Variants in GALNTL6 observed in about 807,000 individuals in gnomAD.
GALNTL6 encodes polypeptide N-acetylgalactosaminyltransferase-like 6.
Under a neutral mutation model 73.7 loss-of-function variants are expected in GALNTL6, and 46 were observed. That is an observed-to-expected ratio of 0.62 (90% CI 0.49 to 0.80). The LOEUF (loss-of-function observed/expected upper bound fraction) is 0.80. Ranked by LOEUF, GALNTL6 falls within the 30% of genes least tolerant of loss-of-function variation. The pLI is 0.00. For missense variants in GALNTL6, 604 were observed against 755.0 expected (o/e 0.80, Z 2.34); for synonymous variants, 259 against 263.7 (o/e 0.98, Z 0.17).
chr4:172,515,465 A>G (rs1053501253), intron 5 of GALNTL6, among the ~76,000 whole-genome samples: 4 of 152,210 alleles, frequency 2.6e-5, no homozygotes, highest in Admixed American at 2.6e-4. Context: ...GATTCTCCGA[A>G]TATTTAGGCT....
chr4:173,025,845 G>C (rs940358593), intron 12 of GALNTL6, among the ~76,000 whole-genome samples: 1 of 151,700 alleles, frequency 6.6e-6, no homozygotes, highest in African/African-American at 2.4e-5. Context: ...ACTTTCAAGT[G>C]CTTCACCAAC....
At chr4:172,534,246 A>G (rs1735267057) in intron 5 of GALNTL6, among the ~76,000 whole-genome samples, 1 of 152,192 alleles carries the variant, frequency 6.6e-6, no homozygotes, top group African/African-American at 2.4e-5. Flanking sequence ...ATGTCTCAGC[A>G]CTTCAGGCCT....
intron 5 of GALNTL6, among the ~76,000 whole-genome samples, chr4:172,407,745 T>G (rs73872054): frequency 0.026 from 3,898 of 152,108 alleles, 166 homozygotes; most frequent in African/African-American, 0.088. Flanking sequence ...ACCATATACA[T>G]CATTAAAACA....
chr4:172,254,213 A>G (rs1737991868), intron 3 of GALNTL6, among the ~76,000 whole-genome samples: 1 of 151,976 alleles, frequency 6.6e-6, no homozygotes, highest in African/African-American at 2.4e-5. Context: ...GGAACCTTTC[A>G]TTTGTGCTGA....
At chr4:172,374,052 A>G (rs893793690) in intron 5 of GALNTL6, among the ~76,000 whole-genome samples, 39 of 152,124 alleles carry the variant, frequency 2.6e-4, no homozygotes, top group African/African-American at 8.9e-4. Flanking sequence ...GATCCAGAGA[A>G]TCTTCGTTCT....
At chr4:172,708,115 A>G (rs916321845) in intron 5 of GALNTL6, among the ~76,000 whole-genome samples, 4 of 152,164 alleles carry the variant, frequency 2.6e-5, no homozygotes, top group African/African-American at 7.2e-5. Context: ...CAGTGGCACA[A>G]TCTCGACTCA....
At chr4:172,871,450 C>A (rs1439499203) in intron 7 of GALNTL6, among the ~76,000 whole-genome samples, 1 of 151,864 alleles carries the variant, frequency 6.6e-6, no homozygotes, top group African/African-American at 2.4e-5. Flanking sequence ...CTATACTGAT[C>A]TACTTTTCCT....
At chr4:172,583,961 A>G (rs1488087438) in intron 5 of GALNTL6, among the ~76,000 whole-genome samples, 1 of 151,598 alleles carries the variant, frequency 6.6e-6, no homozygotes, top group Non-Finnish European at 1.5e-5. Flanking sequence ...ACTGTATAGG[A>G]TTCAAAATCT....
At chr4:171,845,566 A>T (rs938202667) in intron 2 of GALNTL6, among the ~76,000 whole-genome samples, 2 of 152,128 alleles carry the variant, frequency 1.3e-5, no homozygotes, top group Non-Finnish European at 2.9e-5. Context: ...ACGTGAGCAT[A>T]AGTCATATAT....
chr4:172,595,003 AG>A (rs1270639234), intron 5 of GALNTL6, among the ~76,000 whole-genome samples: 1 of 152,216 alleles, frequency 6.6e-6, no homozygotes, highest in Non-Finnish European at 1.5e-5. Context: ...GCCCTCTTCC[AG>A]GTTGCAGACT....
intron 5 of GALNTL6, among the ~76,000 whole-genome samples, chr4:172,478,671 A>G (rs1733328598): frequency 6.6e-6 from 1 of 152,216 alleles, no homozygotes; most frequent in Admixed American, 6.5e-5. Flanking sequence ...AGATAAACTA[A>G]AAAGCTTCCG....
rs897838987 is a variant in GALNTL6 at position 172,809,774 on chromosome 4, A to G, written c.739+228A>G. Among the ~76,000 whole-genome samples, 5 of 152,158 alleles carry G rather than the reference A, an allele frequency of 3.3e-5. No individual in the cohort carries two copies. Among genetic ancestry groups the G allele is most frequent in the Admixed American group, 2.6e-4 (4 of 15,268 alleles). ...GGCATTTTAAATAATATCAACTTCA[A>G]TCTAACTTACAGTTTAGAAAAGGTT... On this transcript the variant is annotated intron_variant, in intron 6 of 12. Transcript: ENST00000506823. The surrounding 1 kb of genome is among the most constrained non-coding windows in gnomAD (Gnocchi z 4.4).
chr4:172,037,088 T>C (rs1345305747), intron 2 of GALNTL6, among the ~76,000 whole-genome samples: 1 of 152,156 alleles, frequency 6.6e-6, no homozygotes, highest in Non-Finnish European at 1.5e-5. Flanking sequence ...GGCTATGGAC[T>C]ATATGTATAC....
intron 5 of GALNTL6, among the ~76,000 whole-genome samples, chr4:172,395,677 G>GAAT (rs1191494087): frequency 6.6e-6 from 1 of 152,020 alleles, no homozygotes; most frequent in Non-Finnish European, 1.5e-5. Flanking sequence ...TAAAGAAAAA[G>GAAT]AATAATCCCT....
Position 171,961,002 on chromosome 4 carries a change from A to G in GALNTL6, c.138+146284A>G, listed in dbSNP as rs140873096. ...ACATTACTCTGTGGACTCTCCCCAG[A>G]TTCTTTCTTGTGAGAGATCCAAGAA... On this transcript the variant is annotated intron_variant, in intron 2 of 12. Coordinates refer to ENST00000506823, the MANE Select transcript of GALNTL6 (RefSeq NM_001034845.3). Among the ~76,000 whole-genome samples, 1,286 of 152,158 alleles carry G rather than the reference A, an allele frequency of 8.5e-3. 18 individuals are homozygous for G. The highest frequency in any genetic ancestry group is 0.029 in the African/African-American group (1,205 of 41,508).
chr4:171,995,891 T>A (rs1740471551), intron 2 of GALNTL6, among the ~76,000 whole-genome samples: 1 of 152,064 alleles, frequency 6.6e-6, no homozygotes, highest in Admixed American at 6.6e-5. Flanking sequence ...TTTAGTAACA[T>A]CTGACAAAAG....
intron 3 of GALNTL6, among the ~76,000 whole-genome samples, chr4:172,276,571 A>G (rs1274582813): frequency 6.6e-6 from 1 of 152,184 alleles, no homozygotes; most frequent in Non-Finnish European, 1.5e-5. Flanking sequence ...GAGGGGTGTA[A>G]TGCCACCAGC....
chr4:172,052,063 T>C (rs1730889577), intron 2 of GALNTL6, among the ~76,000 whole-genome samples: 2 of 152,142 alleles, frequency 1.3e-5, no homozygotes, highest in Admixed American at 1.3e-4. Flanking sequence ...CTTTAAACTT[T>C]TATTTTACTA....
At chr4:172,577,111 A>C (rs891383420) in intron 5 of GALNTL6, among the ~76,000 whole-genome samples, 1 of 152,196 alleles carries the variant, frequency 6.6e-6, no homozygotes, top group South Asian at 2.1e-4. Flanking sequence ...ACTAGAGCCC[A>C]TTCATACTGC....
Sources: allele counts gnomAD v4.1 joint callset (sites outside exome capture counted in the v4.1 genomes callset), GRCh38; gene constraint gnomAD v4.1.1; non-coding constraint Gnocchi (gnomAD v3.1); transcripts MANE v1.5; gene names NCBI Gene and HGNC (gene_info 2026-07-23, HGNC 2026-07-21).